Variants in ADGRD1 observed in about 807,000 individuals in gnomAD.
ADGRD1 encodes the protein adhesion G protein-coupled receptor D1.
In ADGRD1, 77 loss-of-function variants were observed where a neutral mutation model predicts 113.4. That is an observed-to-expected ratio of 0.68 (90% CI 0.57 to 0.82). The LOEUF is 0.82. ADGRD1 is among the 40% of genes least tolerant of loss of function. The pLI, the probability that ADGRD1 is intolerant of heterozygous loss-of-function variation, is 0.00. For synonymous variants in ADGRD1, 474 were observed against 475.0 expected (o/e 1.00, Z 0.03); for missense variants, 1,036 against 1,139.1 (o/e 0.91, Z 1.30).
intron 19 of ADGRD1, among the ~76,000 whole-genome samples, chr12:131,120,118 C>T (rs1478967681): frequency 2.6e-5 from 4 of 152,134 alleles, no homozygotes; most frequent in Admixed American, 1.3e-4. Context: ...TAAGCCAGCC[C>T]CGGGGAGACA....
chr12:131,131,389 G>A (rs1490381761), intron 20 of ADGRD1, among the ~76,000 whole-genome samples: 1 of 152,236 alleles, frequency 6.6e-6, no homozygotes, highest in Non-Finnish European at 1.5e-5. Context: ...GAGGCTCCGA[G>A]GACCTGGGTG....
intron 13 of ADGRD1, among the ~76,000 whole-genome samples, chr12:131,036,259 T>A (rs1881361388): frequency 6.7e-6 from 1 of 150,274 alleles, no homozygotes; most frequent in Non-Finnish European, 1.5e-5. Context: ...CTGCAGTGAG[T>A]CTCACTCACT....
At chr12:131,045,294 C>T (rs907234723) in intron 13 of ADGRD1, among the ~76,000 whole-genome samples, 10 of 152,254 alleles carry the variant, frequency 6.6e-5, no homozygotes, top group South Asian at 2.1e-4. Flanking sequence ...TTCATGTGGA[C>T]GCCGTAGGCG....
chr12:131,045,234 G>T (rs538797292), intron 13 of ADGRD1, among the ~76,000 whole-genome samples: 36 of 152,388 alleles, frequency 2.4e-4, no homozygotes, highest in African/African-American at 8.4e-4. Context: ...GGACCTGTGG[G>T]TCTCCAGGTC....
intron 5 of ADGRD1, among the ~76,000 whole-genome samples, chr12:130,983,993 T>C (rs1414973915): frequency 6.6e-6 from 1 of 152,182 alleles, no homozygotes; most frequent in East Asian, 1.9e-4. Flanking sequence ...TGCTGGTTGA[T>C]GGAGGTTCCT....
At chr12:131,037,927 C>G (rs1020915099) in intron 13 of ADGRD1, among the ~76,000 whole-genome samples, 30 of 149,704 alleles carry the variant, frequency 2.0e-4, no homozygotes, top group African/African-American at 6.2e-4. Flanking sequence ...GCACCAGGAT[C>G]TTACTCACTG....
At chr12:130,959,733 G>A (rs1870124347) in intron 2 of ADGRD1, among the ~76,000 whole-genome samples, 2 of 152,218 alleles carry the variant, frequency 1.3e-5, no homozygotes, top group African/African-American at 4.8e-5. Context: ...CACTGGCAGA[G>A]GTAGCCAGAT....
At chr12:130,976,597 G>A (rs116605464) in intron 4 of ADGRD1, among the ~76,000 whole-genome samples, 2,985 of 152,142 alleles carry the variant, frequency 0.02, 40 homozygotes, top group South Asian at 0.045. Context: ...GCGCCGTGTT[G>A]ATCTTCTGTT....
At chr12:130,972,966 CAT>C (rs1419112814) in intron 4 of ADGRD1, 3 of 152,210 alleles carry the variant, frequency 2.0e-5, no homozygotes, top group African/African-American at 4.8e-5. Context: ...CGAGGTCACA[CAT>C]GAGAGGCCTT....
chr12:131,008,460 G>A, intron 12 of ADGRD1, among the ~76,000 whole-genome samples: 1 of 152,254 alleles, frequency 6.6e-6, no homozygotes, highest in East Asian at 1.9e-4. Flanking sequence ...CCAGGGATGA[G>A]GGTGAGGGTC....
At position 130,961,369 on chromosome 12, in the gene ADGRD1, G is replaced by C. The variant is rs78950131; in HGVS notation, c.104-5094G>C. On this transcript the variant is annotated intron_variant, in intron 2 of 24. Coordinates refer to ENST00000261654, the MANE Select transcript of ADGRD1 (RefSeq NM_198827.5). ...ATTTCTGAAGAACTGTGGTGATGTG[G>C]GCTGAAAATACCCCTTTTTCTCTCT... Among the ~76,000 whole-genome samples, 1,180 of 152,116 alleles carry C rather than the reference G, an allele frequency of 7.8e-3. 16 individuals are homozygous for C. Among genetic ancestry groups the C allele is most frequent in the African/African-American group, 0.027 (1,134 of 41,478 alleles).
chr12:131,011,788 C>T (rs568118497), intron 12 of ADGRD1, among the ~76,000 whole-genome samples: 36 of 152,330 alleles, frequency 2.4e-4, no homozygotes, highest in African/African-American at 7.5e-4. Flanking sequence ...GTGTTGAGTT[C>T]ATGGAGCTCT....
intron 19 of ADGRD1, among the ~76,000 whole-genome samples, chr12:131,119,563 G>A (rs944550129): frequency 6.6e-6 from 1 of 152,190 alleles, no homozygotes; most frequent in Non-Finnish European, 1.5e-5. Context: ...ACTCATGCCC[G>A]AAAGCCAGGC....
At chr12:131,130,864 A>G (rs1339781614) in intron 20 of ADGRD1, among the ~76,000 whole-genome samples, 6 of 152,152 alleles carry the variant, frequency 3.9e-5, no homozygotes, top group Admixed American at 3.3e-4. Flanking sequence ...TGGCGTGGGG[A>G]CAGCAGCTGC....
intron 13 of ADGRD1, among the ~76,000 whole-genome samples, chr12:131,016,471 G>A (rs925358331): frequency 3.3e-5 from 5 of 152,238 alleles, no homozygotes. Context: ...CTGCCGTGAT[G>A]TCAGTGAGGG....
intron 15 of ADGRD1, among the ~76,000 whole-genome samples, chr12:131,099,871 T>G (rs1172212456): frequency 6.6e-6 from 1 of 152,194 alleles, no homozygotes; most frequent in Non-Finnish European, 1.5e-5. Context: ...TACTCCCCAT[T>G]GTGCCTGGCA....
chr12:131,097,413 C>A (rs953380593), intron 15 of ADGRD1, among the ~76,000 whole-genome samples: 2 of 152,242 alleles, frequency 1.3e-5, no homozygotes, highest in Non-Finnish European at 2.9e-5. Flanking sequence ...TCCCGTCCTG[C>A]AGCACCCCTC....
rs1262526419 is a variant in ADGRD1, at chr12:131,139,859, T to A, written c.*596T>A. 1 of 152,606 alleles carries A rather than the reference T, an allele frequency of 6.6e-6. No homozygotes were observed. The highest frequency in any genetic ancestry group is 1.5e-5 in the Non-Finnish European group (1 of 68,398). 9.5% of individuals were successfully genotyped at this position (152,606 alleles called of 1,614,324 possible). A position where few individuals can be genotyped will look rare whatever the true frequency, so the allele number is the denominator to read the frequency against. On this transcript the variant is annotated 3_prime_UTR_variant, in exon 25 of 25. Transcript: ENST00000261654. ...GCGTGGGCCAACCTGTGCTGTGTCA[T>A]CAGTTGGGGGCCCCTGCCCAAGCCG... is the stretch of plus-strand genomic sequence containing the variant.
At chr12:131,034,960 C>T (rs1178725460) in intron 13 of ADGRD1, among the ~76,000 whole-genome samples, 2 of 152,140 alleles carry the variant, frequency 1.3e-5, no homozygotes, top group Non-Finnish European at 1.5e-5. Flanking sequence ...CACAGCAGGA[C>T]GAGTGCCTTT....
Sources: gnomAD v4.1 joint callset for allele counts (sites outside exome capture counted in the v4.1 genomes callset) on GRCh38, gnomAD v4.1.1 for gene constraint, MANE v1.5 for transcripts, NCBI Gene and HGNC (gene_info 2026-07-23, HGNC 2026-07-21) for gene names.